Variants in INPP4B observed in about 807,000 individuals in gnomAD.
INPP4B encodes inositol polyphosphate-4-phosphatase type II B.
A neutral mutation model predicts 122.5 loss-of-function variants in INPP4B; 55 were observed. The ratio of observed to expected loss-of-function variants is 0.45; its 90% CI spans 0.36 to 0.56. INPP4B has a LOEUF of 0.56. INPP4B is among the 20% of genes least tolerant of loss of function. The pLI is 0.00. For missense variants in INPP4B, 1,000 were observed against 1,097.7 expected (o/e 0.91, Z 1.26); for synonymous variants, 403 against 388.7 (o/e 1.04, Z -0.43).
intron 2 of INPP4B, among the ~76,000 whole-genome samples, chr4:142,576,385 A>G (rs1215450647): frequency 6.6e-6 from 1 of 152,014 alleles, no homozygotes; most frequent in East Asian, 1.9e-4. Context: ...ACATTATGCA[A>G]TCTACCTGGT....
intron 14 of INPP4B, among the ~76,000 whole-genome samples, chr4:142,194,803 C>G (rs1409527003): frequency 6.6e-6 from 1 of 152,074 alleles, no homozygotes; most frequent in Non-Finnish European, 1.5e-5. Flanking sequence ...GTTTCCTTAC[C>G]TATAAATTGT....
intron 2 of INPP4B, among the ~76,000 whole-genome samples, chr4:142,700,398 T>G (rs1761578996): frequency 6.6e-6 from 1 of 152,232 alleles, no homozygotes; most frequent in Non-Finnish European, 1.5e-5. Context: ...ATATGGTTTT[T>G]ATAATTCTTT....
At chr4:142,496,185 A>C in intron 2 of INPP4B, among the ~76,000 whole-genome samples, 1 of 152,214 alleles carries the variant, frequency 6.6e-6, no homozygotes, top group South Asian at 2.1e-4. Flanking sequence ...ATTACAAAGT[A>C]TGTATTTTTT....
At chr4:142,737,142 C>T (rs1391164126) in intron 1 of INPP4B, among the ~76,000 whole-genome samples, 1 of 152,164 alleles carries the variant, frequency 6.6e-6, no homozygotes, top group East Asian at 1.9e-4. Context: ...AAAAAAGAGC[C>T]TGCATTGCCA....
intron 1 of INPP4B, among the ~76,000 whole-genome samples, chr4:142,820,008 G>A (rs1022671899): frequency 1.2e-4 from 19 of 152,026 alleles, no homozygotes; most frequent in African/African-American, 4.6e-4. Context: ...TTTCTGAAGA[G>A]CATTCCCTCA....
intron 7 of INPP4B, among the ~76,000 whole-genome samples, chr4:142,365,001 C>A (rs1290018094): frequency 3.3e-5 from 5 of 152,020 alleles, no homozygotes; most frequent in African/African-American, 7.2e-5. Flanking sequence ...CCCTAGGCTC[C>A]CAAGTGAGGT....
intron 3 of INPP4B, among the ~76,000 whole-genome samples, chr4:142,460,155 GAAAAAACAGGATTTGCA>G (rs896055261): frequency 1.4e-4 from 21 of 152,132 alleles, no homozygotes; most frequent in African/African-American, 5.1e-4. Context: ...TGACAATGTT[GAAAAAACAGGATTTGCA>G]AATCCCATTT....
intron 2 of INPP4B, among the ~76,000 whole-genome samples, chr4:142,680,436 C>T (rs1758458252): frequency 6.6e-6 from 1 of 151,806 alleles, no homozygotes. Flanking sequence ...GCATTTACTT[C>T]TCCCTCTAAA....
At chr4:142,219,983 A>G (rs1848725776) in intron 12 of INPP4B, among the ~76,000 whole-genome samples, 1 of 152,232 alleles carries the variant, frequency 6.6e-6, no homozygotes, top group Non-Finnish European at 1.5e-5. Context: ...CGTACTAGGT[A>G]TATTTCAAAT....
At chr4:142,704,656 A>G (rs1447574173) in intron 2 of INPP4B, among the ~76,000 whole-genome samples, 2 of 152,160 alleles carry the variant, frequency 1.3e-5, no homozygotes, top group Non-Finnish European at 2.9e-5. Context: ...GATCGCTATC[A>G]TTTGCATATT....
chr4:142,233,594 G>A (rs1265721104), intron 12 of INPP4B, among the ~76,000 whole-genome samples: 1 of 152,080 alleles, frequency 6.6e-6, no homozygotes, highest in Non-Finnish European at 1.5e-5. Context: ...TATCTGAATT[G>A]TGAGACTGGG....
At chr4:142,304,992 A>G (rs192230872) in intron 9 of INPP4B, among the ~76,000 whole-genome samples, 31 of 152,286 alleles carry the variant, frequency 2.0e-4, no homozygotes, top group Admixed American at 1.3e-3. Flanking sequence ...GTTTTAACTG[A>G]TAAGTGTTTT....
At chr4:142,367,043 C>T (rs925236962) in intron 7 of INPP4B, among the ~76,000 whole-genome samples, 4 of 152,044 alleles carry the variant, frequency 2.6e-5, no homozygotes, top group African/African-American at 7.2e-5. Flanking sequence ...GGGGAAGAAC[C>T]ATATGTACTA....
intron 1 of INPP4B, among the ~76,000 whole-genome samples, chr4:142,832,484 T>C (rs1445400967): frequency 1.3e-5 from 2 of 152,118 alleles, no homozygotes; most frequent in Admixed American, 6.6e-5. Flanking sequence ...AAGCAAAGGA[T>C]CCTACAGATA....
chr4:142,624,042 T>A (rs942703095), intron 2 of INPP4B, among the ~76,000 whole-genome samples: 11 of 151,994 alleles, frequency 7.2e-5, no homozygotes, highest in African/African-American at 2.4e-4. Context: ...TGTGCATGTG[T>A]CTTTAAAGCA....
At chr4:142,222,021 A>C (rs1243956712) in intron 12 of INPP4B, among the ~76,000 whole-genome samples, 1 of 152,124 alleles carries the variant, frequency 6.6e-6, no homozygotes, top group East Asian at 1.9e-4. Context: ...GTGCAATGGC[A>C]CGATCTTGCC....
chr4:142,350,125 C>T (rs1781497757), intron 7 of INPP4B, among the ~76,000 whole-genome samples: 1 of 151,932 alleles, frequency 6.6e-6, no homozygotes, highest in South Asian at 2.1e-4. Context: ...GGCTGAAGAA[C>T]TTGAATTGTA....
chr4:142,621,691 G>T (rs1426505170), intron 2 of INPP4B, among the ~76,000 whole-genome samples: 1 of 151,638 alleles, frequency 6.6e-6, no homozygotes, highest in East Asian at 1.9e-4. Flanking sequence ...TTCCTACCTT[G>T]CTGAATAATG....
intron 7 of INPP4B, among the ~76,000 whole-genome samples, chr4:142,373,406 T>C (rs1041866764): frequency 1.3e-5 from 2 of 149,866 alleles, no homozygotes; most frequent in Non-Finnish European, 3.0e-5. Context: ...CAAAATATAA[T>C]AGGTATCTGA....
Sources: allele counts gnomAD v4.1 joint callset (sites outside exome capture counted in the v4.1 genomes callset), GRCh38; gene constraint gnomAD v4.1.1; transcripts MANE v1.5; gene names NCBI Gene and HGNC (gene_info 2026-07-23, HGNC 2026-07-21).